Variants in RAB27B observed in about 807,000 individuals in gnomAD.
RAB27B encodes the protein RAB27B, member RAS oncogene family, also known as ras-related protein Rab-27B.
RAB27B carries 15 observed loss-of-function variants against 24.6 expected under a neutral mutation model. The observed-to-expected ratio is 0.61, with a 90% confidence interval of 0.41 to 0.94. The LOEUF is 0.94. Among genes scored for constraint, RAB27B ranks in the 40% least tolerant of loss-of-function variants. RAB27B has a pLI of 0.00. For synonymous variants in RAB27B, 105 were observed against 92.5 expected, an observed-to-expected ratio of 1.14 and a Z score of -0.78; for missense variants, 261 against 266.8, an observed-to-expected ratio of 0.98 and a Z score of 0.15.
At position 54,884,378 on chromosome 18, in the gene RAB27B, C is replaced by T. The variant is rs567213238; in HGVS notation, c.285C>T (p.Phe95=). 6.2e-7 allele frequency: 1 copy of T among 1,612,978 alleles called. No homozygotes were observed. The highest frequency in any genetic ancestry group is 1.7e-5 in the Admixed American group (1 of 59,970). The change falls in exon 4 of 6, where the codon TTC becomes TTT. Residue 95 remains phenylalanine, a synonymous_variant. Transcript: ENST00000262094. ...CATTTTTCAGAGACGCCATGGGCTT[C>T]TTATTAATGTTTGACCTCACCAGTC... ...TTAFFRDAMG[F]LLMFDLTSQQ... is the part of the protein sequence containing the mutation.
chr18:54,825,744 G>A (rs138067418), upstream of RAB27B, among the ~76,000 whole-genome samples: 1,516 of 152,270 alleles, frequency 1.0e-2, 20 homozygotes, highest in African/African-American at 0.035. Flanking sequence ...GCTGGATTGA[G>A]CAGATGGAGG....
At chr18:54,790,189 C>A (rs1261184800) in intron 2 of RAB27B, among the ~76,000 whole-genome samples, 2 of 152,032 alleles carry the variant, frequency 1.3e-5, no homozygotes, top group Non-Finnish European at 2.9e-5. Context: ...ATTCTCTAAA[C>A]ATTCATCTCT....
chr18:54,774,991 T>TAAAC (rs1279119172), intron 2 of RAB27B, among the ~76,000 whole-genome samples: 3 of 152,150 alleles, frequency 2.0e-5, no homozygotes, highest in Non-Finnish European at 4.4e-5. Flanking sequence ...GATGAATGAA[T>TAAAC]AAACACAAAA....
At chr18:54,802,859 G>C (rs1317345045) in intron 2 of RAB27B, among the ~76,000 whole-genome samples, 3 of 152,206 alleles carry the variant, frequency 2.0e-5, no homozygotes, top group African/African-American at 7.2e-5. Context: ...TTGTCAATGG[G>C]ACATGTGCTG....
intron 2 of RAB27B, among the ~76,000 whole-genome samples, chr18:54,810,247 G>A (rs1275773218): frequency 2.0e-5 from 3 of 152,150 alleles, no homozygotes; most frequent in Non-Finnish European, 2.9e-5. Context: ...GTTTCACAGT[G>A]AGGCCTGTCA....
At chr18:54,751,833 T>A (rs930680633) in intron 2 of RAB27B, among the ~76,000 whole-genome samples, 1 of 152,150 alleles carries the variant, frequency 6.6e-6, no homozygotes, top group Non-Finnish European at 1.5e-5. Context: ...GTTGAGGAGA[T>A]GACACAGTCA....
intron 2 of RAB27B, among the ~76,000 whole-genome samples, chr18:54,764,218 C>T (rs1908288055): frequency 2.0e-5 from 3 of 152,084 alleles, no homozygotes; most frequent in Admixed American, 6.6e-5. Flanking sequence ...CAAGCACAGA[C>T]CAGACACCTA....
intron 1 of RAB27B, among the ~76,000 whole-genome samples, chr18:54,873,320 G>C (rs527852819): frequency 3.9e-4 from 60 of 152,108 alleles, no homozygotes; most frequent in Non-Finnish European, 5.4e-4. Context: ...TGAAGGGCTT[G>C]TCTGTATCTA....
intron 2 of RAB27B, among the ~76,000 whole-genome samples, chr18:54,767,916 G>T (rs377711147): frequency 9.9e-5 from 15 of 152,134 alleles, no homozygotes; most frequent in Admixed American, 9.8e-4. Flanking sequence ...GAGTGCTTGT[G>T]TTGGAGGAGG....
chr18:54,744,257 G>C (rs867646689), intron 2 of RAB27B, among the ~76,000 whole-genome samples: 46 of 152,088 alleles, frequency 3.0e-4, no homozygotes, highest in African/African-American at 1.1e-3. Context: ...TCTCATTTTA[G>C]GGCAAAGTTT....
At chr18:54,885,978 G>A (rs1913120373) in intron 4 of RAB27B, 1 of 152,320 alleles carries the variant, frequency 6.6e-6, no homozygotes, top group African/African-American at 2.4e-5. Flanking sequence ...TCACTATCAT[G>A]AGAACAGTAC....
intron 4 of RAB27B, among the ~76,000 whole-genome samples, chr18:54,886,491 G>T (rs562420915): frequency 2.7e-4 from 41 of 152,122 alleles, no homozygotes; most frequent in Admixed American, 1.9e-3. Context: ...ACCACTCTCG[G>T]TGTGGGTTCA....
At chr18:54,857,267 C>G (rs115505027) in intron 1 of RAB27B, among the ~76,000 whole-genome samples, 280 of 152,294 alleles carry the variant, frequency 1.8e-3, no homozygotes, top group African/African-American at 6.4e-3. Context: ...CCCACTCACA[C>G]CTTTTACAAA....
At chr18:54,841,157 G>GGT (rs1555662088) in intron 1 of RAB27B, among the ~76,000 whole-genome samples, 1 of 128,194 alleles carries the variant, frequency 7.8e-6, no homozygotes, top group Non-Finnish European at 1.7e-5. Context: ...TGGGTGGCGG[G>GGT]GCGGTGGGGG....
intron 2 of RAB27B, among the ~76,000 whole-genome samples, chr18:54,795,554 G>T (rs1435551992): frequency 3.9e-5 from 6 of 152,198 alleles, no homozygotes; most frequent in Non-Finnish European, 8.8e-5. Context: ...GAATGGTTAG[G>T]AAGCAATCAT....
Position 54,864,098 on chromosome 18 carries a change from C to T in RAB27B, c.-19-13469C>T, listed in dbSNP as rs1474866638. ...TTTGGAGAATTGCCAAACTGTTTTC[C>T]AAAGTGGCTGCTCCATTTACATTCC... On this transcript the variant is annotated intron_variant, in intron 1 of 5. Coordinates refer to ENST00000262094, the MANE Select transcript of RAB27B (RefSeq NM_004163.4). Among the ~76,000 whole-genome samples, 3 of 152,144 alleles carry T rather than the reference C, an allele frequency of 2.0e-5. No homozygotes were observed. The East Asian group carries it at 5.8e-4, about 29-fold the overall frequency.
intron 2 of RAB27B, among the ~76,000 whole-genome samples, chr18:54,779,170 T>G (rs1231813092): frequency 2.0e-5 from 3 of 152,192 alleles, no homozygotes; most frequent in African/African-American, 7.2e-5. Flanking sequence ...AAGAATTAGT[T>G]GGCTCCAATT....
At chr18:54,839,594 A>C (rs1272980148) in intron 1 of RAB27B, among the ~76,000 whole-genome samples, 1 of 152,150 alleles carries the variant, frequency 6.6e-6, no homozygotes, top group African/African-American at 2.4e-5. Flanking sequence ...AAATAAATAC[A>C]AGGGCAGAAA....
intron 2 of RAB27B, among the ~76,000 whole-genome samples, chr18:54,819,124 TA>T (rs1910212314): frequency 6.7e-6 from 1 of 148,994 alleles, no homozygotes. Flanking sequence ...CACATTACTT[TA>T]AAAATAGAAA....
Sources: gnomAD v4.1 joint callset for allele counts (sites outside exome capture counted in the v4.1 genomes callset) on GRCh38, gnomAD v4.1.1 for gene constraint, MANE v1.5 for transcripts, NCBI Gene and HGNC (gene_info 2026-07-23, HGNC 2026-07-21) for gene names.